The following LHX6 variants were observed in gnomAD, a reference collection of about 807,000 sequenced individuals.
The protein encoded by LHX6 is LIM/homeobox protein Lhx6.
A neutral mutation model predicts 47.1 loss-of-function variants in LHX6; 15 were observed. The observed-to-expected ratio is 0.32, with a 90% CI of 0.21 to 0.49. The LOEUF is 0.49. Among genes scored for constraint, LHX6 ranks in the 20% least tolerant of loss-of-function variants. LHX6 has a pLI of 0.99. For missense variants in LHX6, 404 were observed against 539.6 expected (o/e 0.75, Z 2.49); for synonymous variants, 242 against 233.5 (o/e 1.04, Z -0.33).
In LHX6 at chr9:122,217,378, G is replaced by C; in HGVS notation, c.462-90C>G. The C allele has an allele frequency of 1.9e-6, 2 of 1,065,434 alleles. No individual in the cohort carries two copies. Among genetic ancestry groups the C allele is most frequent in the South Asian group, 1.5e-5 (1 of 66,308 alleles). The allele number at this position is 1,065,434 out of a possible 1,614,324, so 66.0% of individuals were successfully genotyped here. On this transcript the variant is annotated intron_variant, in intron 4 of 9. Transcript: ENST00000394319. This position sits in a 1 kb window ranked among gnomAD's most constrained non-coding sequence, Gnocchi z 4.9. ...CACCCAATGGCCCGCCAGCCCCCAG[G>C]CTCCTGGCCTCTAAGTCTTCAACTC... is the stretch of plus-strand genomic sequence containing the variant.
chr9:122,213,967 G>A lies in LHX6; in HGVS notation c.879+7C>T. On this transcript the variant is annotated splice_region_variant and intron_variant, in intron 7 of 9. Coordinates refer to ENST00000394319, the MANE Select transcript of LHX6 (RefSeq NM_014368.5). This position sits in a 1 kb window ranked among gnomAD's most constrained non-coding sequence, Gnocchi z 5.5. Reference sequence around the variant, plus strand: ...CGGTCCCCAGGCCCCGCCCACCCCCGTCCCACCTGGATGACTCTCCGGCTG... The same window carrying A: ...CGGTCCCCAGGCCCCGCCCACCCCCATCCCACCTGGATGACTCTCCGGCTG... 2 of 640,552 alleles carry A rather than the reference G, an allele frequency of 3.1e-6. No homozygotes were observed. Among genetic ancestry groups the A allele is most frequent in the East Asian group, 9.2e-5 (2 of 21,698 alleles). 39.7% of individuals were successfully genotyped at this position (640,552 alleles called of 1,614,324 possible).
rs1830480439 is a variant in LHX6, at chr9:122,213,808, C to A, written c.880-28G>T. The A allele has an allele frequency of 6.4e-7, 1 of 1,560,708 alleles. No individual in the cohort carries two copies. The highest frequency in any genetic ancestry group is 8.7e-7 in the Non-Finnish European group (1 of 1,153,236). ...GGAACGACAGCCTCGGCAGCCTCAG[C>A]CTCGAGGAAAAGAGTCGGACGCGCC... On this transcript the variant is annotated intron_variant, in intron 7 of 9. Coordinates refer to ENST00000394319, the MANE Select transcript of LHX6 (RefSeq NM_014368.5). This position sits in a 1 kb window ranked among gnomAD's most constrained non-coding sequence, Gnocchi z 5.5.
At position 122,217,845 on chromosome 9, in the gene LHX6, T is replaced by C. The variant is rs1445963992; in HGVS notation, c.462-557A>G. On this transcript the variant is annotated intron_variant, in intron 4 of 9. Coordinates refer to ENST00000394319, the MANE Select transcript of LHX6 (RefSeq NM_014368.5). This position sits in a 1 kb window ranked among gnomAD's most constrained non-coding sequence, Gnocchi z 4.9. ...CTTAGATGAACAGACAGATAAGCAC[T>C]TACTGGCTTTGTGACACTAGGCAAA... 6.6e-6 allele frequency among the ~76,000 whole-genome samples: 1 copy of C among 152,166 alleles called. No homozygotes were observed. Among genetic ancestry groups the C allele is most frequent in the Non-Finnish European group, 1.5e-5 (1 of 68,022 alleles).
At chr9:122,227,859 A>G (rs1218804676) in intron 1 of LHX6, 1 of 340,858 alleles carries the variant, frequency 2.9e-6, no homozygotes, top group East Asian at 6.6e-5. Flanking sequence ...GTCAATTCCA[A>G]CTGTCAATCA....
chr9:122,227,312 A>G (rs921250252), intron 2 of LHX6, 97 bp downstream of exon 2: 4 of 1,229,012 alleles, frequency 3.3e-6, no homozygotes, highest in Non-Finnish European at 4.3e-6. Context: ...AGTCCCCCAG[A>G]GCGTGAGCAG....
chr9:122,221,941 A>C (rs1830880962), intron 4 of LHX6, among the ~76,000 whole-genome samples: 1 of 151,998 alleles, frequency 6.6e-6, no homozygotes. Context: ...CTCATCTCTC[A>C]GGGCCTCAGT....
In LHX6 at chr9:122,213,486, TC is replaced by T. The variant is rs1830466847; in HGVS notation, c.1054+119del. The T allele has an allele frequency of 3.3e-6, 3 of 898,432 alleles. No homozygotes were observed. The African/African-American group carries it at 5.1e-5, about 15-fold the overall frequency. 55.7% of individuals were successfully genotyped at this position (898,432 alleles called of 1,614,324 possible). On this transcript the variant is annotated intron_variant, in intron 8 of 9. Coordinates refer to ENST00000394319, the MANE Select transcript of LHX6 (RefSeq NM_014368.5). The surrounding 1 kb of genome is among the most constrained non-coding windows in gnomAD (Gnocchi z 5.5). ...GATCCAAATGACTTCGGGTCCCGCT[TC>T]TTCACCCACGAGGCTCCCCAAGGCC...
intron 4 of LHX6, among the ~76,000 whole-genome samples, chr9:122,218,115 T>C (rs1045832974): frequency 6.6e-6 from 1 of 152,218 alleles, no homozygotes; most frequent in Non-Finnish European, 1.5e-5. Context: ...TTCTCCCTTC[T>C]GGTTTTGTAG....
intron 4 of LHX6, among the ~76,000 whole-genome samples, chr9:122,219,990 G>A (rs1185988131): frequency 6.6e-6 from 1 of 152,240 alleles, no homozygotes; most frequent in Non-Finnish European, 1.5e-5. Flanking sequence ...GGACAGAGCC[G>A]GAGCAGGAAA....
intron 5 of LHX6, 144 bp downstream of exon 5, chr9:122,216,924 C>A: frequency 1.5e-6 from 1 of 658,482 alleles, no homozygotes. Context: ...AAGATCTGTT[C>A]GCCGCCCCAC....
At position 122,220,679 on chromosome 9, in the gene LHX6, T is replaced by G. The variant is rs185136252; in HGVS notation, c.462-3391A>C. Among the ~76,000 whole-genome samples the G allele has an allele frequency of 2.0e-5, 3 of 152,302 alleles. No individual in the cohort carries two copies. In the East Asian group the frequency reaches 5.8e-4, roughly 29 times the overall value. On this transcript the variant is annotated intron_variant, in intron 4 of 9. Transcript: ENST00000394319. The stretch of plus-strand genomic sequence containing the variant: ...CCTTGCGTCCCTGGATCCCGGCGTG[T>G]GAAGGACCTAGGTGCAAAGGATGCG...
chr9:122,218,131 C>T (rs1490126650), intron 4 of LHX6, among the ~76,000 whole-genome samples: 1 of 152,164 alleles, frequency 6.6e-6, no homozygotes, highest in African/African-American at 2.4e-5. Context: ...TGTAGTCTGG[C>T]AATTTGGGTG....
chr9:122,226,665 CTT>C lies in LHX6; in HGVS notation c.340-170_340-169del. ...AGACTCAGGGAAATGGAAATAAACTCTTCTTATTTTTCAGACGGAACCCGGGG... is the reference window on the plus strand; with the variant it reads ...AGACTCAGGGAAATGGAAATAAACTCCTTATTTTTCAGACGGAACCCGGGG... On this transcript the variant is annotated intron_variant, in intron 3 of 9. Transcript: ENST00000394319. The surrounding 1 kb of genome is among the most constrained non-coding windows in gnomAD (Gnocchi z 6.5). The C allele has an allele frequency of 7.9e-7, 1 of 1,262,706 alleles. No homozygotes were observed. The highest frequency in any genetic ancestry group is 1.5e-5 in the South Asian group (1 of 66,728). The allele number at this position is 1,262,706 out of a possible 1,614,324, so 78.2% of individuals were successfully genotyped here.
chr9:122,210,051 A>G lies in LHX6; in HGVS notation c.1055-334T>C, dbSNP rs1349210400. 3.3e-5 allele frequency among the ~76,000 whole-genome samples: 5 copies of G among 151,816 alleles called. No individual in the cohort carries two copies. The East Asian group carries it at 9.7e-4, about 30-fold the overall frequency. Reference sequence around the variant, plus strand: ...CCACCACGCCCAGCTAATTTTTTGTATTTTAGCAGAGACGGGGTTTCACCG... The same window carrying G: ...CCACCACGCCCAGCTAATTTTTTGTGTTTTAGCAGAGACGGGGTTTCACCG... On this transcript the variant is annotated intron_variant, in intron 8 of 9. Coordinates refer to ENST00000394319, the MANE Select transcript of LHX6 (RefSeq NM_014368.5).
rs1186134518 is a variant in LHX6, at chr9:122,204,082, A to T, written c.*678T>A. ...GTCACCGCCCTCTCCTTGATTTCCAAACCAATGGGGGTCTTTCTTCTCCCC... is the reference window on the plus strand; with the variant it reads ...GTCACCGCCCTCTCCTTGATTTCCATACCAATGGGGGTCTTTCTTCTCCCC... On this transcript the variant is annotated 3_prime_UTR_variant, in exon 10 of 10. Coordinates refer to ENST00000394319, the MANE Select transcript of LHX6 (RefSeq NM_014368.5). The T allele has an allele frequency of 2.0e-5, 3 of 152,162 alleles. No individual in the cohort carries two copies. Among genetic ancestry groups the T allele is most frequent in the East Asian group, 1.9e-4 (1 of 5,164 alleles). The allele number at this position is 152,162 out of a possible 1,614,324, so 9.4% of individuals were successfully genotyped here.
chr9:122,224,790 C>T (rs530391758), intron 4 of LHX6, among the ~76,000 whole-genome samples: 2 of 152,160 alleles, frequency 1.3e-5, no homozygotes, highest in East Asian at 1.9e-4. Context: ...AAAAGACAAA[C>T]GTTGGTCCAT....
intron 5 of LHX6, 101 bp downstream of exon 5, chr9:122,216,967 G>T: frequency 3.1e-6 from 3 of 971,496 alleles, no homozygotes; most frequent in Non-Finnish European, 3.1e-6. Flanking sequence ...TACCGGGAGG[G>T]CCCAATCGGT....
At chr9:122,227,842 C>T (rs1037176705) in intron 1 of LHX6, 4 of 346,588 alleles carry the variant, frequency 1.2e-5, no homozygotes, top group Non-Finnish European at 1.6e-5. Context: ...TAAGAGGTAG[C>T]CAGAGTGTCA....
chr9:122,224,088 C>T (rs1051780712), intron 4 of LHX6, among the ~76,000 whole-genome samples: 3 of 152,108 alleles, frequency 2.0e-5, no homozygotes, highest in Admixed American at 1.3e-4. Context: ...AGTGTAGTGA[C>T]GTGATCTTGG....
Sources: gnomAD v4.1 joint callset for allele counts (sites outside exome capture counted in the v4.1 genomes callset) on GRCh38, gnomAD v4.1.1 for gene constraint, Gnocchi (gnomAD v3.1) non-coding constraint, MANE v1.5 for transcripts, NCBI Gene and HGNC (gene_info 2026-07-23, HGNC 2026-07-21) for gene names.